The following TEX36 variants were observed in gnomAD, a reference collection of about 807,000 sequenced individuals.
TEX36 encodes testis expressed 36.
Under a neutral mutation model 13.6 loss-of-function variants are expected in TEX36, and 12 were observed. That is an observed-to-expected ratio of 0.88 (90% confidence interval 0.56 to 1.43). TEX36 has a LOEUF of 1.43. TEX36 is among the 40% of genes most tolerant of loss of function. TEX36 has a pLI of 0.00. For synonymous variants in TEX36, 93 were observed against 83.0 expected, an observed-to-expected ratio of 1.12 and a Z score of -0.65; for missense variants, 224 against 228.3, an observed-to-expected ratio of 0.98 and a Z score of 0.12.
downstream of TEX36, among the ~76,000 whole-genome samples, chr10:125,620,321 A>T (rs1191949502): frequency 2.0e-5 from 3 of 152,228 alleles, no homozygotes; most frequent in Non-Finnish European, 2.9e-5. Context: ...ATGGAAACTC[A>T]TTGTTGCTTT....
intron 1 of TEX36, chr10:125,667,260 G>T: frequency 1.6e-6 from 1 of 625,634 alleles, no homozygotes; most frequent in South Asian, 1.5e-5. Context: ...CCATGCTGGG[G>T]TTCAGCAAGA....
intron 3 of TEX36, among the ~76,000 whole-genome samples, chr10:125,647,939 G>A (rs373061520): frequency 7.2e-5 from 11 of 152,180 alleles, no homozygotes; most frequent in Admixed American, 3.9e-4. Flanking sequence ...ACTGCAAGGC[G>A]GCAGCAAGGC....
chr10:125,654,142 G>C (rs981442139), downstream of TEX36, among the ~76,000 whole-genome samples: 3 of 152,048 alleles, frequency 2.0e-5, no homozygotes, highest in Admixed American at 2.0e-4. Flanking sequence ...AAATCGAGAA[G>C]AGAATCAACT....
chr10:125,675,873 C>T (rs1334248193), intron 1 of TEX36, among the ~76,000 whole-genome samples: 1 of 152,202 alleles, frequency 6.6e-6, no homozygotes, highest in Non-Finnish European at 1.5e-5. Flanking sequence ...TCTTCATTGA[C>T]CCAGGGGTCA....
chr10:125,584,059 G>A (rs562906803), intron 3 of TEX36, among the ~76,000 whole-genome samples: 3 of 152,292 alleles, frequency 2.0e-5, no homozygotes, highest in South Asian at 2.1e-4. Flanking sequence ...TGTCCTCTTC[G>A]AGCTGCTGCC....
At chr10:125,583,134 A>T (rs1845903138) in intron 3 of TEX36, among the ~76,000 whole-genome samples, 1 of 152,250 alleles carries the variant, frequency 6.6e-6, no homozygotes, top group Non-Finnish European at 1.5e-5. Context: ...CAAATCTGAC[A>T]ATCTGTCCAG....
chr10:125,646,975 T>C (rs1287274758), intron 3 of TEX36, among the ~76,000 whole-genome samples: 2 of 152,146 alleles, frequency 1.3e-5, no homozygotes, highest in South Asian at 2.1e-4. Context: ...AAAGCTAAAA[T>C]AATAATTGCA....
intron 3 of TEX36, among the ~76,000 whole-genome samples, chr10:125,623,628 T>G (rs1234704971): frequency 6.7e-6 from 1 of 149,226 alleles, no homozygotes. Context: ...AACCAAACCC[T>G]GCACAGCCCC....
chr10:125,659,690 G>A (rs1045505558), intron 3 of TEX36, among the ~76,000 whole-genome samples: 2 of 152,170 alleles, frequency 1.3e-5, no homozygotes, highest in African/African-American at 4.8e-5. Flanking sequence ...GGGGCAAGTT[G>A]TTTAACTTTA....
intron 3 of TEX36, among the ~76,000 whole-genome samples, chr10:125,599,297 G>T (rs1017605441): frequency 6.6e-6 from 1 of 152,140 alleles, no homozygotes; most frequent in Non-Finnish European, 1.5e-5. Flanking sequence ...CCAGGGAGAC[G>T]CATGTCCTGG....
In TEX36 at chr10:125,682,996, C is replaced by T. The variant is rs986149896; in HGVS notation, c.-7G>A. The T allele has an allele frequency of 1.9e-6, 3 of 1,551,696 alleles. No individual in the cohort carries two copies. The Admixed American group carries it at 5.9e-5, about 30-fold the overall frequency. On this transcript the variant is annotated 5_prime_UTR_variant, in exon 1 of 4. Transcript: ENST00000368821. ...AGCGTCGCCCTTTGGTCATTCTCTC[C>T]AGGAAGCTGAATGTGGCTGAGATTG...
intron 3 of TEX36, among the ~76,000 whole-genome samples, chr10:125,593,017 A>G (rs1402682880): frequency 6.6e-6 from 1 of 152,178 alleles, no homozygotes; most frequent in African/African-American, 2.4e-5. Context: ...GTTTTTATGA[A>G]GGTTTCATTA....
chr10:125,623,591 A>C (rs1281567059), intron 3 of TEX36, among the ~76,000 whole-genome samples: 4 of 152,148 alleles, frequency 2.6e-5, no homozygotes, highest in Admixed American at 6.5e-5. Flanking sequence ...AAAAAAAAAA[A>C]AAAAAGTCTC....
At chr10:125,633,907 A>T (rs1846591942) in intron 3 of TEX36, among the ~76,000 whole-genome samples, 1 of 152,196 alleles carries the variant, frequency 6.6e-6, no homozygotes, top group African/African-American at 2.4e-5. Flanking sequence ...GTAATTAGGC[A>T]TTAAGCGGGA....
chr10:125,646,899 T>C (rs1846777914), intron 3 of TEX36, among the ~76,000 whole-genome samples: 1 of 152,168 alleles, frequency 6.6e-6, no homozygotes, highest in African/African-American at 2.4e-5. Context: ...GCAAATTCTA[T>C]AGGTATTTGC....
chr10:125,636,372 A>ATC (rs1555003100), intron 3 of TEX36, among the ~76,000 whole-genome samples: 1 of 142,656 alleles, frequency 7.0e-6, no homozygotes, highest in African/African-American at 2.6e-5. Flanking sequence ...CACCCGGCTA[A>ATC]TTTTTTTTTT....
chr10:125,604,260 C>T (rs1467393722), intron 3 of TEX36, among the ~76,000 whole-genome samples: 1 of 152,202 alleles, frequency 6.6e-6, no homozygotes, highest in Admixed American at 6.5e-5. Context: ...AGCCCCTCCC[C>T]ATCACTTGCA....
intron 3 of TEX36, among the ~76,000 whole-genome samples, chr10:125,622,764 AG>A (rs1412633787): frequency 6.6e-6 from 1 of 152,220 alleles, no homozygotes; most frequent in Non-Finnish European, 1.5e-5. Context: ...ATCGAGGAGT[AG>A]TAGTCGATTT....
downstream of TEX36, among the ~76,000 whole-genome samples, chr10:125,651,115 GA>G (rs2133585021): frequency 6.6e-6 from 1 of 152,256 alleles, no homozygotes; most frequent in South Asian, 2.1e-4. Flanking sequence ...CCAATCAATA[GA>G]AAAAGAGGGA....
Sources: gnomAD v4.1 joint callset for allele counts (sites outside exome capture counted in the v4.1 genomes callset) on GRCh38, gnomAD v4.1.1 for gene constraint, MANE v1.5 for transcripts, NCBI Gene and HGNC (gene_info 2026-07-23, HGNC 2026-07-21) for gene names.